Variants in LRIG3 observed in about 807,000 individuals in gnomAD.
LRIG3 encodes leucine-rich repeats and immunoglobulin-like domains protein 3.
LRIG3 carries 76 observed loss-of-function variants against 114.5 expected under a neutral mutation model. The observed-to-expected ratio is 0.66, with a 90% CI of 0.55 to 0.80. The LOEUF (loss-of-function observed/expected upper bound fraction) is 0.80. LRIG3 is among the 30% of genes least tolerant of loss of function. LRIG3 has a pLI of 0.00. For missense variants in LRIG3, 1,239 were observed against 1,382.8 expected, an observed-to-expected ratio of 0.90 and a Z score of 1.65; for synonymous variants, 512 against 519.8, an observed-to-expected ratio of 0.98 and a Z score of 0.20.
At chr12:58,897,778 A>G (rs907922450) in intron 3 of LRIG3, among the ~76,000 whole-genome samples, 1 of 152,232 alleles carries the variant, frequency 6.6e-6, no homozygotes, top group Non-Finnish European at 1.5e-5. Flanking sequence ...GAAGTAATTT[A>G]TGTACAATAA....
chr12:58,919,917 G>T, intron 1 of LRIG3, 83 bp downstream of exon 1: 1 of 1,345,128 alleles, frequency 7.4e-7, no homozygotes, highest in Non-Finnish European at 1.0e-6. Flanking sequence ...GGGACTGCAC[G>T]CCGAACCCCA....
rs1169769187 is a variant in LRIG3 at position 58,872,779 on chromosome 12, A to G, written c.3153T>C (p.Asp1051=). 6.2e-7 allele frequency: 1 copy of G among 1,613,952 alleles called. No homozygotes were observed. The highest frequency in any genetic ancestry group is 1.3e-5 in the African/African-American group (1 of 74,940). ...ATGGCTGTCCAAAGCTTGAATAGGC[A>G]TCTAGGTGAGGTCTCCTGAGAGCTT... ...FGKALRRPHL[D]AYSSFGQPSD... is the part of the protein sequence containing the mutation. Residue 1051 remains aspartate (D), a synonymous_variant, in exon 19 of 19, where the codon GAT becomes GAC. Coordinates refer to ENST00000320743, the MANE Select transcript of LRIG3 (RefSeq NM_153377.5).
intron 3 of LRIG3, among the ~76,000 whole-genome samples, chr12:58,895,879 A>G (rs1170932462): frequency 1.3e-5 from 2 of 152,120 alleles, no homozygotes; most frequent in African/African-American, 4.8e-5. Context: ...CAGGGCACAC[A>G]CTGTGCTTTT....
At chr12:58,876,294 T>G in intron 16 of LRIG3, 151 bp downstream of exon 16, 1 of 729,102 alleles carries the variant, frequency 1.4e-6, no homozygotes, top group South Asian at 1.9e-5. Context: ...GAGAACGGTA[T>G]AGAACTATAC....
At position 58,877,450 on chromosome 12, in the gene LRIG3, A is replaced by T. The variant is rs1169405222; in HGVS notation, c.2486T>A (p.Ile829Asn). 6.2e-7 allele frequency: 1 copy of T among 1,614,146 alleles called. No individual in the cohort carries two copies. The highest frequency in any genetic ancestry group is 1.7e-5 in the Admixed American group (1 of 60,024). The change falls in exon 15 of 19, where the codon ATC becomes AAC. Residue 829 changes from isoleucine to asparagine, a missense_variant. Coordinates refer to ENST00000320743, the MANE Select transcript of LRIG3 (RefSeq NM_153377.5). ...ATTCCTCCGCCTTGTGTGGTATATG[A>T]TGACCACCCACACGAGTGACGTGCC... ...VVGTSLVWVV[I>N]IYHTRRRNED... is the part of the protein sequence containing the mutation.
intron 3 of LRIG3, among the ~76,000 whole-genome samples, chr12:58,891,633 C>A (rs1031148395): frequency 1.3e-5 from 2 of 152,080 alleles, no homozygotes; most frequent in Non-Finnish European, 2.9e-5. Flanking sequence ...GAGAGATCCC[C>A]TTTTCTTTAA....
intron 13 of LRIG3, chr12:58,880,372 A>G (rs1338059106): frequency 1.4e-6 from 1 of 699,088 alleles, no homozygotes; most frequent in South Asian, 1.5e-5. Context: ...TACTCACCAC[A>G]CTGAGTACGG....
At chr12:58,875,869 A>C (rs1054968868) in intron 16 of LRIG3, among the ~76,000 whole-genome samples, 3 of 152,164 alleles carry the variant, frequency 2.0e-5, no homozygotes, top group Admixed American at 1.3e-4. Context: ...GCAAAACCCC[A>C]TCTCTACTAA....
chr12:58,889,664 T>C (rs1871386699), intron 5 of LRIG3, among the ~76,000 whole-genome samples: 1 of 152,154 alleles, frequency 6.6e-6, no homozygotes, highest in African/African-American at 2.4e-5. Flanking sequence ...CTCCTGGAGT[T>C]GCCGGTATTA....
At chr12:58,890,303 T>C (rs1871412865) in intron 4 of LRIG3, among the ~76,000 whole-genome samples, 164 bp from the exon 5 acceptor site, 1 of 152,226 alleles carries the variant, frequency 6.6e-6, no homozygotes, top group African/African-American at 2.4e-5. Flanking sequence ...TTCACACATA[T>C]TGCTGGGAAA....
chr12:58,903,514 T>C (rs1252845233), intron 3 of LRIG3, among the ~76,000 whole-genome samples: 1 of 152,184 alleles, frequency 6.6e-6, no homozygotes, highest in East Asian at 1.9e-4. Flanking sequence ...ATTTTGCAGG[T>C]TGCCTGTTCA....
At chr12:58,911,650 T>TTATA (rs1342062140) in intron 3 of LRIG3, among the ~76,000 whole-genome samples, 2 of 151,826 alleles carry the variant, frequency 1.3e-5, no homozygotes, top group African/African-American at 4.8e-5. Flanking sequence ...CTGTGTCATG[T>TTATA]TATATAACTT....
intron 3 of LRIG3, among the ~76,000 whole-genome samples, chr12:58,906,374 T>C (rs1789176193): frequency 1.3e-5 from 2 of 152,166 alleles, no homozygotes; most frequent in Non-Finnish European, 2.9e-5. Flanking sequence ...TCTTTGCAAC[T>C]TTACCTCTGA....
intron 14 of LRIG3, among the ~76,000 whole-genome samples, chr12:58,878,403 A>C (rs1714667668): frequency 1.3e-5 from 2 of 152,210 alleles, no homozygotes; most frequent in African/African-American, 2.4e-5. Flanking sequence ...AGATGAAAAA[A>C]AAACTCTGAC....
intron 3 of LRIG3, among the ~76,000 whole-genome samples, chr12:58,894,390 G>A (rs999241083): frequency 5.3e-5 from 8 of 152,096 alleles, no homozygotes; most frequent in Non-Finnish European, 1.0e-4. Context: ...TAACTGGCAA[G>A]TACCCACCTG....
chr12:58,876,140 T>C (rs1870908456), intron 16 of LRIG3, among the ~76,000 whole-genome samples: 1 of 152,224 alleles, frequency 6.6e-6, no homozygotes, highest in African/African-American at 2.4e-5. Context: ...ATGTAACCAG[T>C]TAATATCATT....
At chr12:58,913,019 C>T (rs144863458) in intron 3 of LRIG3, among the ~76,000 whole-genome samples, 32 of 152,246 alleles carry the variant, frequency 2.1e-4, no homozygotes, top group East Asian at 7.7e-4. Flanking sequence ...CGGCTGCACC[C>T]GTGACTTAGC....
At position 58,875,149 on chromosome 12, in the gene LRIG3, AG is replaced by A. The variant is rs1870873666; in HGVS notation, c.2696-577del. 4.6e-5 allele frequency among the ~76,000 whole-genome samples: 7 copies of A among 152,244 alleles called. No homozygotes were observed. The South Asian group carries it at 1.4e-3, about 31-fold the overall frequency. ...AAAGCAAATATGCAGAACGTGACAC[AG>A]TAATGCTGGTGGCCCAGAGCTACTC... On this transcript the variant is annotated intron_variant, in intron 16 of 18. Transcript: ENST00000320743.
At chr12:58,902,883 T>C (rs1015269526) in intron 3 of LRIG3, among the ~76,000 whole-genome samples, 4 of 152,144 alleles carry the variant, frequency 2.6e-5, no homozygotes, top group Admixed American at 2.6e-4. Context: ...TCCATGTCCC[T>C]ACAAAGGACA....
Sources: allele counts gnomAD v4.1 joint callset (sites outside exome capture counted in the v4.1 genomes callset), GRCh38; gene constraint gnomAD v4.1.1; transcripts MANE v1.5; gene names NCBI Gene and HGNC (gene_info 2026-07-23, HGNC 2026-07-21).